Variants in MAF observed in about 807,000 individuals in gnomAD.
MAF encodes the protein transcription factor Maf.
In MAF, 10 loss-of-function variants were observed where a neutral mutation model predicts 22.0. The observed-to-expected ratio is 0.45, with a 90% CI of 0.28 to 0.77. MAF has a LOEUF of 0.77. MAF is among the 30% of genes least tolerant of loss of function. MAF has a pLI of 0.12. For synonymous variants in MAF, 337 were observed against 255.8 expected, an observed-to-expected ratio of 1.32 and a Z score of -3.03; for missense variants, 544 against 548.4, an observed-to-expected ratio of 0.99 and a Z score of 0.08.
chr16:79,437,905 A>G, the MAF span, among the ~76,000 whole-genome samples: 3 of 152,166 alleles, frequency 2.0e-5, no homozygotes, highest in Non-Finnish European at 4.4e-5. Context: ...GACACAGGCC[A>G]GGCGGGAGGT....
At chr16:79,392,161 A>G in the MAF span, among the ~76,000 whole-genome samples, 1 of 149,134 alleles carries the variant, frequency 6.7e-6, no homozygotes, top group Non-Finnish European at 1.5e-5. Context: ...AGAGTGAAGG[A>G]AGGAGAGAGG....
chr16:79,463,288 G>C, the MAF span, among the ~76,000 whole-genome samples: 8 of 152,196 alleles, frequency 5.3e-5, no homozygotes. Context: ...ACCATGGTAG[G>C]TACTGGATGG....
chr16:79,561,886 A>G, the MAF span, among the ~76,000 whole-genome samples: 19 of 152,180 alleles, frequency 1.2e-4, no homozygotes, highest in Non-Finnish European at 2.6e-4. Flanking sequence ...TACAGAAAAT[A>G]TTTGTTGAGC....
the MAF span, among the ~76,000 whole-genome samples, chr16:79,530,687 A>G: frequency 1.3e-5 from 2 of 152,186 alleles, no homozygotes; most frequent in Non-Finnish European, 2.9e-5. Flanking sequence ...TATTTTTATC[A>G]TCATGTTTTT....
At chr16:79,571,733 C>A in the MAF span, among the ~76,000 whole-genome samples, 406 of 152,154 alleles carry the variant, frequency 2.7e-3, 5 homozygotes, top group African/African-American at 8.9e-3. Flanking sequence ...CCAGCCTTGG[C>A]ATCACCAGCT....
chr16:79,423,468 G>T, the MAF span, among the ~76,000 whole-genome samples: 1 of 152,266 alleles, frequency 6.6e-6, no homozygotes, highest in African/African-American at 2.4e-5. Context: ...TCCATCCACA[G>T]AATTATCCAA....
the MAF span, among the ~76,000 whole-genome samples, chr16:79,312,017 T>C: frequency 6.6e-6 from 1 of 152,180 alleles, no homozygotes; most frequent in African/African-American, 2.4e-5. Context: ...CTGCTTGACC[T>C]TGAGTAGCTT....
chr16:79,217,604 G>C, the MAF span, among the ~76,000 whole-genome samples: 1 of 151,998 alleles, frequency 6.6e-6, no homozygotes, highest in East Asian at 1.9e-4. Context: ...CGAGTTCTTC[G>C]CGCTCATCTG....
chr16:79,336,331 C>T, the MAF span, among the ~76,000 whole-genome samples: 343 of 152,276 alleles, frequency 2.3e-3, 5 homozygotes, highest in African/African-American at 7.9e-3. Flanking sequence ...TGTAAAGGAG[C>T]GAACCAAGGC....
At chr16:79,369,975 T>C in the MAF span, among the ~76,000 whole-genome samples, 15 of 152,344 alleles carry the variant, frequency 9.8e-5, no homozygotes, top group East Asian at 2.3e-3. Context: ...GCTATTCTTT[T>C]CTTGGCACTC....
chr16:79,489,840 C>G, the MAF span, among the ~76,000 whole-genome samples: 1 of 152,242 alleles, frequency 6.6e-6, no homozygotes, highest in South Asian at 2.1e-4. Context: ...GCCAGCTTAG[C>G]TTTTCTAACG....
At chr16:79,350,943 A>G in the MAF span, among the ~76,000 whole-genome samples, 6 of 151,654 alleles carry the variant, frequency 4.0e-5, no homozygotes, top group African/African-American at 1.5e-4. Flanking sequence ...TATGTGCTCA[A>G]GAGGAAACCC....
the MAF span, among the ~76,000 whole-genome samples, chr16:79,327,408 A>G: frequency 6.6e-6 from 1 of 151,838 alleles, no homozygotes; most frequent in African/African-American, 2.4e-5. Context: ...TGATGTACCT[A>G]TTTTCTCATT....
chr16:79,276,988 G>T, the MAF span, among the ~76,000 whole-genome samples: 1 of 151,870 alleles, frequency 6.6e-6, no homozygotes, highest in African/African-American at 2.4e-5. Flanking sequence ...CATTTCTCAT[G>T]GTGTTTTCTC....
At chr16:79,313,282 C>T in the MAF span, among the ~76,000 whole-genome samples, 1 of 152,194 alleles carries the variant, frequency 6.6e-6, no homozygotes, top group African/African-American at 2.4e-5. Flanking sequence ...TTTTTCTGCA[C>T]AGCAGAAGGG....
chr16:79,459,932 A>T, the MAF span, among the ~76,000 whole-genome samples: 1 of 152,148 alleles, frequency 6.6e-6, no homozygotes, highest in Non-Finnish European at 1.5e-5. Context: ...ACTTGGATGG[A>T]TTACATTCTT....
the MAF span, among the ~76,000 whole-genome samples, chr16:79,298,216 A>C: frequency 8.9e-3 from 1,363 of 152,340 alleles, 14 homozygotes; most frequent in African/African-American, 0.031. Context: ...TTGCGTCCCC[A>C]GGAAAGGAGA....
the MAF span, among the ~76,000 whole-genome samples, chr16:79,335,192 A>G: frequency 1.7e-4 from 26 of 151,900 alleles, no homozygotes; most frequent in African/African-American, 5.5e-4. Context: ...TCAAAAAAAA[A>G]AAAAAAAGAA....
the MAF span, among the ~76,000 whole-genome samples, chr16:79,271,372 A>T: frequency 2.0e-5 from 3 of 152,156 alleles, no homozygotes; most frequent in African/African-American, 7.2e-5. Context: ...AATACCCTTA[A>T]ATCTCATAAT....
Sources: allele counts gnomAD v4.1 joint callset (sites outside exome capture counted in the v4.1 genomes callset), GRCh38; gene constraint gnomAD v4.1.1; transcripts MANE v1.5; gene names NCBI Gene and HGNC (gene_info 2026-07-23, HGNC 2026-07-21).